LRMDA: variants seen among roughly 807,000 people sequenced by gnomAD.
LRMDA encodes the protein leucine-rich melanocyte differentiation-associated protein.
A neutral mutation model predicts 29.8 loss-of-function variants in LRMDA; 18 were observed. The ratio of observed to expected loss-of-function variants is 0.60; its 90% CI spans 0.42 to 0.90. LRMDA has a LOEUF of 0.90. Ranked by LOEUF, LRMDA falls within the 40% of genes least tolerant of loss-of-function variation. The pLI is 0.00. For synonymous variants in LRMDA, 125 were observed against 109.4 expected (o/e 1.14, Z -0.89); for missense variants, 273 against 273.9 (o/e 1.00, Z 0.02).
chr10:76,018,476 C>T (rs1187383227), intron 2 of LRMDA, among the ~76,000 whole-genome samples: 2 of 151,348 alleles, frequency 1.3e-5, no homozygotes, highest in African/African-American at 2.4e-5. Context: ...ACAGACATGT[C>T]GTATTAGGAA....
At chr10:76,074,530 A>G (rs2132072559) in intron 5 of LRMDA, among the ~76,000 whole-genome samples, 1 of 152,310 alleles carries the variant, frequency 6.6e-6, no homozygotes, top group Non-Finnish European at 1.5e-5. Flanking sequence ...AGGGACCATT[A>G]TCATCTACAG....
chr10:75,591,646 C>G (rs1464514373), intron 2 of LRMDA, among the ~76,000 whole-genome samples: 2 of 152,238 alleles, frequency 1.3e-5, no homozygotes, highest in African/African-American at 4.8e-5. Context: ...CCTCGCAGTT[C>G]TCCCCGTAAT....
intron 5 of LRMDA, among the ~76,000 whole-genome samples, chr10:76,067,929 G>A (rs1339145190): frequency 6.6e-6 from 1 of 152,220 alleles, no homozygotes; most frequent in East Asian, 1.9e-4. Context: ...ACATCAGACT[G>A]TAGGATTCTA....
At chr10:76,537,637 C>T (rs1267700794) in intron 6 of LRMDA, among the ~76,000 whole-genome samples, 2 of 152,184 alleles carry the variant, frequency 1.3e-5, no homozygotes, top group African/African-American at 2.4e-5. Flanking sequence ...GTCACATCTG[C>T]CTCTCTGATG....
intron 2 of LRMDA, among the ~76,000 whole-genome samples, chr10:75,777,939 A>G (rs997566943): frequency 2.6e-5 from 4 of 152,220 alleles, no homozygotes; most frequent in Admixed American, 6.5e-5. Flanking sequence ...TATAATTTAT[A>G]TATTCACACA....
Position 76,245,568 on chromosome 10 carries a change from G to T in LRMDA, c.517-78833G>T, listed in dbSNP as rs538344641. Among the ~76,000 whole-genome samples, 19 of 152,356 alleles carry T rather than the reference G, an allele frequency of 1.2e-4. No homozygotes were observed. In the East Asian group the frequency reaches 3.5e-3, roughly 28 times the overall value. Reference sequence around the variant, plus strand: ...CTATGATGAGCTCCCTACTGGGAAGGATCTGTATTCACAGCCATCTTATGG... The same window carrying T: ...CTATGATGAGCTCCCTACTGGGAAGTATCTGTATTCACAGCCATCTTATGG... On this transcript the variant is annotated intron_variant, in intron 5 of 6. Coordinates refer to ENST00000611255, the MANE Select transcript of LRMDA (RefSeq NM_001305581.2).
intron 5 of LRMDA, among the ~76,000 whole-genome samples, chr10:76,237,622 A>G (rs149008869): frequency 6.6e-6 from 1 of 152,106 alleles, no homozygotes; most frequent in African/African-American, 2.4e-5. Context: ...TCAAAGTGGG[A>G]GCAGCAAGCA....
At chr10:76,448,976 C>CATCTTTTAA (rs1842379530) in intron 6 of LRMDA, among the ~76,000 whole-genome samples, 1 of 151,766 alleles carries the variant, frequency 6.6e-6, no homozygotes, top group Admixed American at 6.6e-5. Flanking sequence ...TTGAGGAAAT[C>CATCTTTTAA]CCCAGATTTA....
At chr10:76,065,239 T>C (rs1039818156) in intron 5 of LRMDA, among the ~76,000 whole-genome samples, 3 of 152,234 alleles carry the variant, frequency 2.0e-5, no homozygotes, top group Non-Finnish European at 4.4e-5. Context: ...GGAGTATTGC[T>C]CTTTGGAGGC....
intron 6 of LRMDA, among the ~76,000 whole-genome samples, chr10:76,503,484 C>G (rs1243537041): frequency 8.0e-6 from 1 of 125,140 alleles, no homozygotes; most frequent in Non-Finnish European, 1.8e-5. Flanking sequence ...TTTTTTTTTT[C>G]AATTGTTGAT....
intron 2 of LRMDA, among the ~76,000 whole-genome samples, chr10:75,726,571 C>T (rs1324268827): frequency 6.6e-6 from 1 of 152,180 alleles, no homozygotes; most frequent in African/African-American, 2.4e-5. Context: ...ACACTCATTT[C>T]TCATGGCCAT....
At chr10:75,520,660 G>A (rs1845345845) in intron 2 of LRMDA, among the ~76,000 whole-genome samples, 1 of 152,174 alleles carries the variant, frequency 6.6e-6, no homozygotes, top group Admixed American at 6.5e-5. Flanking sequence ...TGTTATTACT[G>A]ACCTTCTGAA....
chr10:75,533,148 G>A (rs1845497670), intron 2 of LRMDA, among the ~76,000 whole-genome samples: 1 of 152,182 alleles, frequency 6.6e-6, no homozygotes, highest in African/African-American at 2.4e-5. Flanking sequence ...GAAGTCACCT[G>A]CAGAGCTGTA....
chr10:76,505,719 A>G (rs980800540), intron 6 of LRMDA, among the ~76,000 whole-genome samples: 2 of 152,082 alleles, frequency 1.3e-5, no homozygotes, highest in African/African-American at 4.8e-5. Context: ...CTTGATCTCA[A>G]TGAGCTTCCT....
At chr10:75,707,630 C>G (rs560563820) in intron 2 of LRMDA, among the ~76,000 whole-genome samples, 2 of 152,260 alleles carry the variant, frequency 1.3e-5, no homozygotes, top group East Asian at 1.9e-4. Flanking sequence ...TTTGAGGCTG[C>G]GAGAGAGCTG....
intron 2 of LRMDA, among the ~76,000 whole-genome samples, chr10:75,719,383 G>C (rs1708208958): frequency 6.6e-6 from 1 of 152,188 alleles, no homozygotes; most frequent in East Asian, 1.9e-4. Flanking sequence ...GTAACCAGCT[G>C]TTCTCCATCT....
chr10:75,565,807 G>A (rs1009272052), intron 2 of LRMDA, among the ~76,000 whole-genome samples: 6 of 152,230 alleles, frequency 3.9e-5, no homozygotes, highest in Non-Finnish European at 5.9e-5. Flanking sequence ...GGGCACAATG[G>A]CTCATGCCTG....
intron 5 of LRMDA, among the ~76,000 whole-genome samples, chr10:76,165,417 A>G (rs955213582): frequency 6.6e-6 from 1 of 152,110 alleles, no homozygotes; most frequent in Admixed American, 6.5e-5. Context: ...GACTACAGGC[A>G]TGCACGTCCA....
intron 2 of LRMDA, among the ~76,000 whole-genome samples, chr10:75,472,269 T>C (rs961749081): frequency 4.6e-5 from 7 of 152,182 alleles, no homozygotes; most frequent in Admixed American, 6.5e-5. Context: ...GTCATATGAA[T>C]TCCTGTCTCC....
Sources: allele counts gnomAD v4.1 joint callset (sites outside exome capture counted in the v4.1 genomes callset), GRCh38; gene constraint gnomAD v4.1.1; transcripts MANE v1.5; gene names NCBI Gene and HGNC (gene_info 2026-07-23, HGNC 2026-07-21).